Variants in CDH8 observed in about 807,000 individuals in gnomAD.
CDH8 encodes cadherin 8.
A neutral mutation model predicts 68.1 loss-of-function variants in CDH8; 17 were observed. The observed-to-expected ratio is 0.25, with a 90% CI of 0.17 to 0.37. The LOEUF (loss-of-function observed/expected upper bound fraction) is 0.37, where lower values mean the gene tolerates loss of function less well. Among genes scored for constraint, CDH8 ranks in the 10% least tolerant of loss-of-function variants. CDH8 has a pLI of 1.00. For missense variants in CDH8, 763 were observed against 999.3 expected (o/e 0.76, Z 3.19); for synonymous variants, 372 against 365.1 (o/e 1.02, Z -0.21).
intron 3 of CDH8, among the ~76,000 whole-genome samples, chr16:61,893,806 A>T (rs1963821918): frequency 6.6e-6 from 1 of 152,196 alleles, no homozygotes; most frequent in South Asian, 2.1e-4. Flanking sequence ...AATAAAACAG[A>T]AATCGAAAAG....
At chr16:61,841,024 C>T (rs1962672923) in intron 4 of CDH8, among the ~76,000 whole-genome samples, 2 of 151,420 alleles carry the variant, frequency 1.3e-5, no homozygotes, top group Non-Finnish European at 2.9e-5. Flanking sequence ...TAATGTAGTC[C>T]ATCAGTTACA....
At chr16:61,906,496 C>T (rs1041054804) in intron 2 of CDH8, among the ~76,000 whole-genome samples, 8 of 152,182 alleles carry the variant, frequency 5.3e-5, no homozygotes, top group African/African-American at 1.4e-4. Context: ...AGGACTGCTA[C>T]ATAATGGAGC....
intron 10 of CDH8, among the ~76,000 whole-genome samples, chr16:61,684,472 AAAC>A (rs1275144132): frequency 2.6e-5 from 4 of 152,064 alleles, no homozygotes; most frequent in African/African-American, 7.2e-5. Context: ...AGACACAGTT[AAAC>A]AACAACATTA....
At chr16:61,665,614 T>C (rs1447878662) in intron 10 of CDH8, among the ~76,000 whole-genome samples, 2 of 151,842 alleles carry the variant, frequency 1.3e-5, no homozygotes, top group East Asian at 1.9e-4. Context: ...GGCACATGTA[T>C]ATCTATGCAA....
intron 8 of CDH8, among the ~76,000 whole-genome samples, chr16:61,782,399 A>C (rs533848759): frequency 3.9e-5 from 6 of 151,904 alleles, no homozygotes; most frequent in Non-Finnish European, 8.8e-5. Context: ...AAAACGGCGC[A>C]CCACGAGACT....
chr16:61,864,821 A>T (rs1169478895), intron 3 of CDH8, among the ~76,000 whole-genome samples: 2 of 152,192 alleles, frequency 1.3e-5, no homozygotes, highest in Non-Finnish European at 2.9e-5. Context: ...TTCTGCTCTG[A>T]ATTACAGTTG....
At chr16:61,932,207 CAAAA>C (rs35261724) in intron 2 of CDH8, among the ~76,000 whole-genome samples, 1 of 83,580 alleles carries the variant, frequency 1.2e-5, no homozygotes. Flanking sequence ...AACTCCGTCT[CAAAA>C]AAAAAAAAAA....
At chr16:61,971,364 C>A (rs1256289594) in intron 2 of CDH8, among the ~76,000 whole-genome samples, 1 of 152,136 alleles carries the variant, frequency 6.6e-6, no homozygotes, top group Non-Finnish European at 1.5e-5. Context: ...TTCCCATGAG[C>A]CCCTCCTTGG....
At chr16:62,025,069 A>T (rs754057436) in intron 1 of CDH8, among the ~76,000 whole-genome samples, 5 of 152,204 alleles carry the variant, frequency 3.3e-5, no homozygotes, top group African/African-American at 9.6e-5. Context: ...TAAGCCACTC[A>T]TATTGGCAGC....
chr16:61,966,194 G>T (rs1479354653), intron 2 of CDH8, among the ~76,000 whole-genome samples: 2 of 152,070 alleles, frequency 1.3e-5, no homozygotes, highest in Non-Finnish European at 2.9e-5. Flanking sequence ...ACATAAAATG[G>T]TGCTAATTTG....
At chr16:61,697,738 G>A (rs1173236735) in intron 10 of CDH8, among the ~76,000 whole-genome samples, 4 of 152,258 alleles carry the variant, frequency 2.6e-5, no homozygotes, top group Non-Finnish European at 4.4e-5. Flanking sequence ...TGATCTGCCC[G>A]CCTTAGCTTC....
chr16:62,032,302 C>T (rs1368888771), intron 1 of CDH8, among the ~76,000 whole-genome samples: 1 of 152,042 alleles, frequency 6.6e-6, no homozygotes, highest in Non-Finnish European at 1.5e-5. Flanking sequence ...GTTATCTGGG[C>T]ACATTTTCAA....
intron 2 of CDH8, among the ~76,000 whole-genome samples, chr16:61,902,114 C>T (rs1340948777): frequency 2.0e-5 from 3 of 152,044 alleles, no homozygotes; most frequent in African/African-American, 4.8e-5. Context: ...TCTGACAATT[C>T]GTCTAGTCCA....
intron 7 of CDH8, among the ~76,000 whole-genome samples, chr16:61,791,255 A>G (rs1961370464): frequency 1.3e-5 from 2 of 151,974 alleles, no homozygotes; most frequent in Non-Finnish European, 2.9e-5. Flanking sequence ...ACTGAGAGAC[A>G]GGTAAGTTAA....
At chr16:61,928,102 G>A (rs1427643973) in intron 2 of CDH8, among the ~76,000 whole-genome samples, 1 of 152,138 alleles carries the variant, frequency 6.6e-6, no homozygotes, top group Non-Finnish European at 1.5e-5. Context: ...TTACATGGCT[G>A]GTTTTAAGGA....
Position 61,686,099 on chromosome 16 carries a change from C to T in CDH8, c.1654+27742G>A, listed in dbSNP as rs147512494. Among the ~76,000 whole-genome samples the T allele has an allele frequency of 6.5e-3, 983 of 151,992 alleles. 8 individuals are homozygous for T. Among genetic ancestry groups the T allele is most frequent in the African/African-American group, 0.023 (941 of 41,482 alleles). On this transcript the variant is annotated intron_variant, in intron 10 of 11. Coordinates refer to ENST00000577390, the MANE Select transcript of CDH8 (RefSeq NM_001796.5). Reference sequence around the variant, plus strand: ...GTGGAGTTGCCAGTTTTTGCTTATACGTAACTGAAGCAGAAAGTCTTATTC... The same window carrying T: ...GTGGAGTTGCCAGTTTTTGCTTATATGTAACTGAAGCAGAAAGTCTTATTC...
chr16:61,709,550 C>G (rs1252335255), intron 10 of CDH8, among the ~76,000 whole-genome samples: 1 of 152,074 alleles, frequency 6.6e-6, no homozygotes, highest in Non-Finnish European at 1.5e-5. Context: ...GGAAGGCTGT[C>G]TGTAATTTTC....
intron 7 of CDH8, among the ~76,000 whole-genome samples, chr16:61,792,653 G>A (rs1324306418): frequency 3.3e-5 from 5 of 151,888 alleles, no homozygotes; most frequent in East Asian, 1.9e-4. Context: ...GTTAAACAGC[G>A]GAACCAGAAT....
chr16:61,873,889 C>G (rs1963414975), intron 3 of CDH8, among the ~76,000 whole-genome samples: 1 of 152,114 alleles, frequency 6.6e-6, no homozygotes, highest in Non-Finnish European at 1.5e-5. Flanking sequence ...AACCCTGTCT[C>G]TACTTAAAAT....
Sources: gnomAD v4.1 joint callset for allele counts (sites outside exome capture counted in the v4.1 genomes callset) on GRCh38, gnomAD v4.1.1 for gene constraint, MANE v1.5 for transcripts, NCBI Gene and HGNC (gene_info 2026-07-23, HGNC 2026-07-21) for gene names.